The following RBMS3 variants were observed in gnomAD, a reference collection of about 807,000 sequenced individuals.
The protein encoded by RBMS3 is RNA binding motif single stranded interacting protein 3, also known as RNA-binding motif, single-stranded-interacting protein 3.
RBMS3 carries 27 observed loss-of-function variants against 66.8 expected under a neutral mutation model. The ratio of observed to expected loss-of-function variants is 0.40; its 90% CI spans 0.30 to 0.56. The LOEUF (loss-of-function observed/expected upper bound fraction) is 0.56, where lower values mean the gene tolerates loss of function less well. Among genes scored for constraint, RBMS3 ranks in the 20% least tolerant of loss-of-function variants. The pLI, the probability that RBMS3 is intolerant of heterozygous loss-of-function variation, is 0.40. For synonymous variants in RBMS3, 188 were observed against 183.0 expected, an observed-to-expected ratio of 1.03 and a Z score of -0.22; for missense variants, 513 against 549.5, an observed-to-expected ratio of 0.93 and a Z score of 0.66.
chr3:29,412,497 T>C (rs2040306638), intron 1 of RBMS3, among the ~76,000 whole-genome samples: 1 of 152,180 alleles, frequency 6.6e-6, no homozygotes, highest in Non-Finnish European at 1.5e-5. Flanking sequence ...CAACATATAC[T>C]TATCTAATAA....
At chr3:29,870,053 A>G (rs938957375) in intron 7 of RBMS3, among the ~76,000 whole-genome samples, 1 of 152,186 alleles carries the variant, frequency 6.6e-6, no homozygotes, top group Non-Finnish European at 1.5e-5. Flanking sequence ...ATGTTCAAGT[A>G]CTATATAAAC....
At chr3:29,412,246 G>A (rs2040296452) in intron 1 of RBMS3, among the ~76,000 whole-genome samples, 1 of 152,130 alleles carries the variant, frequency 6.6e-6, no homozygotes, top group South Asian at 2.1e-4. Flanking sequence ...TATTCTCCCT[G>A]GCCAGTGATG....
At chr3:29,316,349 A>G (rs996396270) in intron 1 of RBMS3, among the ~76,000 whole-genome samples, 3 of 151,780 alleles carry the variant, frequency 2.0e-5, no homozygotes, top group Non-Finnish European at 4.4e-5. Context: ...GAATCTGTTC[A>G]TTAAAATTCT....
chr3:29,997,232 T>C (rs1379063145), intron 14 of RBMS3, among the ~76,000 whole-genome samples: 2 of 152,092 alleles, frequency 1.3e-5, no homozygotes, highest in Non-Finnish European at 2.9e-5. Flanking sequence ...AAGTTGAATC[T>C]CTGAATAGAC....
intron 1 of RBMS3, among the ~76,000 whole-genome samples, chr3:29,339,580 T>C (rs979462897): frequency 7.0e-5 from 3 of 43,056 alleles, no homozygotes; most frequent in African/African-American, 1.6e-4. Flanking sequence ...AGACTTTAAC[T>C]TTTTTTTTTT....
At chr3:29,403,940 T>G (rs909553593) in intron 1 of RBMS3, among the ~76,000 whole-genome samples, 1 of 152,110 alleles carries the variant, frequency 6.6e-6, no homozygotes, top group Non-Finnish European at 1.5e-5. Flanking sequence ...GAAATATGAA[T>G]GACTTTATGT....
intron 10 of RBMS3, among the ~76,000 whole-genome samples, chr3:29,911,193 G>A (rs2060504562): frequency 6.6e-6 from 1 of 152,036 alleles, no homozygotes; most frequent in African/African-American, 2.4e-5. Context: ...AGACCAACAA[G>A]TGTTGGGTGT....
At chr3:29,705,151 C>T (rs1378855855) in intron 4 of RBMS3, among the ~76,000 whole-genome samples, 1 of 152,194 alleles carries the variant, frequency 6.6e-6, no homozygotes, top group Non-Finnish European at 1.5e-5. Context: ...TTACACCTTA[C>T]CAACCATTAC....
intron 11 of RBMS3, among the ~76,000 whole-genome samples, chr3:29,938,366 T>C (rs1372892020): frequency 6.6e-6 from 1 of 151,996 alleles, no homozygotes; most frequent in Non-Finnish European, 1.5e-5. Flanking sequence ...TTATTATTAA[T>C]ACCAAATTTC....
Position 29,434,828 on chromosome 3 carries a change from G to T in RBMS3, c.161G>T (p.Ser54Ile). The stretch of plus-strand genomic sequence containing the variant: ...AGCAACAACAGCAGCAACAACAGCA[G>T]CGGGGAACAGTTGAGTAAAACCAAC... ...SSSNNSSNNS[S>I]GEQLSKTNLY... is the part of the protein sequence containing the mutation. The change falls in exon 2 of 15, where the codon AGC becomes ATC. Residue 54 changes from serine (S) to isoleucine (I), a missense_variant. By Grantham distance (142) the Ser-to-Ile change is moderately radical. Transcript: ENST00000383767. 1 of 1,614,132 alleles carries T rather than the reference G, an allele frequency of 6.2e-7. No individual in the cohort carries two copies. Among genetic ancestry groups the T allele is most frequent in the African/African-American group, 1.3e-5 (1 of 75,030 alleles).
chr3:29,942,654 G>C lies in RBMS3; in HGVS notation c.1051-1553G>C, dbSNP rs1459952715. Among the ~76,000 whole-genome samples, 3 of 151,890 alleles carry C rather than the reference G, an allele frequency of 2.0e-5. No homozygotes were observed. In the East Asian group the frequency reaches 5.9e-4, roughly 30 times the overall value. ...TATAAAACAAGTGTGGCTATTTCCA[G>C]GTGATGGGATTAGGAGTAATGTCTA... On this transcript the variant is annotated intron_variant, in intron 11 of 14. Coordinates refer to ENST00000383767, the MANE Select transcript of RBMS3 (RefSeq NM_001003793.3).
intron 12 of RBMS3, among the ~76,000 whole-genome samples, chr3:29,985,494 TCTC>T (rs1698319448): frequency 6.6e-6 from 1 of 151,942 alleles, no homozygotes; most frequent in Admixed American, 6.6e-5. Flanking sequence ...CCCAAGAGAA[TCTC>T]CTGTTTTGCC....
chr3:29,808,758 A>C (rs1247553733), intron 6 of RBMS3, among the ~76,000 whole-genome samples: 1 of 151,952 alleles, frequency 6.6e-6, no homozygotes, highest in Admixed American at 6.6e-5. Flanking sequence ...CAATTGTTTT[A>C]AGAATTATAA....
chr3:29,383,611 T>C (rs2038870147), intron 1 of RBMS3, among the ~76,000 whole-genome samples: 1 of 152,174 alleles, frequency 6.6e-6, no homozygotes, highest in South Asian at 2.1e-4. Flanking sequence ...ATATTGTTAG[T>C]GTAAAATATC....
intron 9 of RBMS3, among the ~76,000 whole-genome samples, chr3:29,898,556 T>G (rs1430374037): frequency 6.6e-6 from 1 of 151,664 alleles, no homozygotes; most frequent in African/African-American, 2.4e-5. Context: ...TCATTTTCTT[T>G]CTTTTTCTGC....
In RBMS3 at chr3:29,360,929, G is replaced by A. The variant is rs1013172791; in HGVS notation, c.76-73814G>A. 1.3e-5 allele frequency among the ~76,000 whole-genome samples: 2 copies of A among 151,744 alleles called. 1 individual carries two copies. Among genetic ancestry groups the A allele is most frequent in the African/African-American group, 4.9e-5 (2 of 41,156 alleles). On this transcript the variant is annotated intron_variant, in intron 1 of 14. Transcript: ENST00000383767. ...ATCTTCCCCCATCCCTTTATTTTGAGCCTATGTGTGTCTCTGCATGTGAGA... is the reference window on the plus strand; with the variant it reads ...ATCTTCCCCCATCCCTTTATTTTGAACCTATGTGTGTCTCTGCATGTGAGA...
chr3:29,488,646 G>T, intron 3 of RBMS3, 147 bp downstream of exon 3: 1 of 581,040 alleles, frequency 1.7e-6, no homozygotes. Context: ...GTTTTGATAA[G>T]TTGTATTTCT....
chr3:29,466,117 A>T (rs938131775), intron 2 of RBMS3, among the ~76,000 whole-genome samples: 3 of 152,020 alleles, frequency 2.0e-5, no homozygotes, highest in African/African-American at 7.2e-5. Flanking sequence ...AAATGCTTTT[A>T]ATGAACTATA....
chr3:29,387,834 C>T (rs1309244309), intron 1 of RBMS3, among the ~76,000 whole-genome samples: 1 of 152,128 alleles, frequency 6.6e-6, no homozygotes, highest in African/African-American at 2.4e-5. Flanking sequence ...GGATCTCATT[C>T]AAAGTAAAAG....
Sources: allele counts gnomAD v4.1 joint callset (sites outside exome capture counted in the v4.1 genomes callset), GRCh38; gene constraint gnomAD v4.1.1; transcripts MANE v1.5; gene names NCBI Gene and HGNC (gene_info 2026-07-23, HGNC 2026-07-21).